GLIS3: variants seen among roughly 807,000 people sequenced by gnomAD.
The protein encoded by GLIS3 is GLIS family zinc finger 3.
Under a neutral mutation model 78.6 loss-of-function variants are expected in GLIS3, and 53 were observed. That is an observed-to-expected ratio of 0.67 (90% confidence interval 0.54 to 0.85). The LOEUF (loss-of-function observed/expected upper bound fraction) is 0.85, where lower values mean the gene tolerates loss of function less well. Ranked by LOEUF, GLIS3 falls within the 40% of genes least tolerant of loss-of-function variation. The pLI, the probability that GLIS3 is intolerant of heterozygous loss-of-function variation, is 0.00. For missense variants in GLIS3, 1,703 were observed against 1,231.1 expected (o/e 1.38, Z -5.74); for synonymous variants, 684 against 509.9 (o/e 1.34, Z -4.60).
chr9:3,845,923 A>C (rs960222339), intron 9 of GLIS3, among the ~76,000 whole-genome samples: 2 of 152,232 alleles, frequency 1.3e-5, no homozygotes, highest in African/African-American at 4.8e-5. Context: ...CACTGTTTCA[A>C]GATTTAAAAC....
At chr9:4,100,410 T>A (rs1352634656) in intron 4 of GLIS3, among the ~76,000 whole-genome samples, 1 of 152,084 alleles carries the variant, frequency 6.6e-6, no homozygotes, top group Admixed American at 6.6e-5. Context: ...CAACATAGGA[T>A]AAAAGACACC....
chr9:4,143,576 T>TA (rs1430610033), intron 2 of GLIS3, among the ~76,000 whole-genome samples: 2 of 144,444 alleles, frequency 1.4e-5, no homozygotes, highest in African/African-American at 5.1e-5. Context: ...AAAAAAAAAA[T>TA]AAAAACAAAA....
At chr9:4,230,743 A>C (rs992025453) in intron 2 of GLIS3, among the ~76,000 whole-genome samples, 3 of 152,246 alleles carry the variant, frequency 2.0e-5, no homozygotes, top group Non-Finnish European at 4.4e-5. Flanking sequence ...GGAGAATAAA[A>C]GAAATAGCAT....
intron 8 of GLIS3, among the ~76,000 whole-genome samples, chr9:3,859,654 G>C (rs1474717992): frequency 6.6e-6 from 1 of 152,072 alleles, no homozygotes; most frequent in African/African-American, 2.4e-5. Context: ...GACACCTTCT[G>C]ACATCTTTTC....
At chr9:4,298,323 A>T (rs949758449) in intron 1 of GLIS3, 6 of 455,386 alleles carry the variant, frequency 1.3e-5, no homozygotes, top group Non-Finnish European at 2.2e-5. Context: ...CACCTCCAGC[A>T]AGTCGGAGGG....
intron 4 of GLIS3, among the ~76,000 whole-genome samples, chr9:4,021,676 C>T (rs1315185063): frequency 6.6e-6 from 1 of 152,138 alleles, no homozygotes; most frequent in Non-Finnish European, 1.5e-5. Context: ...TTACTGCCAC[C>T]GTTCCTCCTG....
chr9:4,174,753 C>T (rs1687063395), intron 2 of GLIS3, among the ~76,000 whole-genome samples: 1 of 152,202 alleles, frequency 6.6e-6, no homozygotes, highest in Non-Finnish European at 1.5e-5. Context: ...GTGCCAATCT[C>T]ATATTCAGGT....
At chr9:4,151,336 T>A (rs1834661480) in intron 2 of GLIS3, among the ~76,000 whole-genome samples, 2 of 152,186 alleles carry the variant, frequency 1.3e-5, no homozygotes, top group South Asian at 4.1e-4. Context: ...TTTGCCTCTA[T>A]CTCCTCAAAC....
At chr9:3,999,720 T>C (rs1434751224) in intron 4 of GLIS3, among the ~76,000 whole-genome samples, 1 of 152,162 alleles carries the variant, frequency 6.6e-6, no homozygotes, top group East Asian at 1.9e-4. Context: ...TAATAAATTC[T>C]AACCAAAATC....
intron 7 of GLIS3, among the ~76,000 whole-genome samples, chr9:3,891,586 C>T (rs1822452857): frequency 6.6e-6 from 1 of 152,088 alleles, no homozygotes; most frequent in African/African-American, 2.4e-5. Flanking sequence ...CCTGAAGTCT[C>T]AGCTACTCAG....
chr9:4,136,440 A>G (rs1362947319), intron 2 of GLIS3, among the ~76,000 whole-genome samples: 1 of 152,030 alleles, frequency 6.6e-6, no homozygotes, highest in Non-Finnish European at 1.5e-5. Context: ...AAGCTTGGGA[A>G]CCCCTAATAC....
chr9:3,900,513 T>A (rs1170545748), intron 6 of GLIS3, among the ~76,000 whole-genome samples: 1 of 151,234 alleles, frequency 6.6e-6, no homozygotes, highest in Non-Finnish European at 1.5e-5. Flanking sequence ...CATATATATA[T>A]AAAACAAATA....
At chr9:4,126,976 C>T (rs1478762518) in intron 2 of GLIS3, among the ~76,000 whole-genome samples, 1 of 152,116 alleles carries the variant, frequency 6.6e-6, no homozygotes, top group Non-Finnish European at 1.5e-5. Context: ...CTGTAGGGGT[C>T]ATAATTTCCT....
At chr9:3,869,806 C>T (rs916749406) in intron 8 of GLIS3, among the ~76,000 whole-genome samples, 1 of 152,122 alleles carries the variant, frequency 6.6e-6, no homozygotes, top group Non-Finnish European at 1.5e-5. Context: ...TCACCAAAAG[C>T]TAACAATTCA....
chr9:4,097,541 T>C (rs2130784580), intron 4 of GLIS3, among the ~76,000 whole-genome samples: 1 of 152,278 alleles, frequency 6.6e-6, no homozygotes, highest in Non-Finnish European at 1.5e-5. Flanking sequence ...TTCCTCCCTC[T>C]TTTTTGATTA....
intron 4 of GLIS3, among the ~76,000 whole-genome samples, chr9:4,092,401 C>T (rs1038419099): frequency 8.5e-5 from 13 of 152,112 alleles, no homozygotes; most frequent in Non-Finnish European, 1.9e-4. Flanking sequence ...ATCCGCCTGC[C>T]TCAGCCTCCC....
At chr9:4,287,682 T>C (rs1299105109) in intron 1 of GLIS3, among the ~76,000 whole-genome samples, 2 of 152,112 alleles carry the variant, frequency 1.3e-5, no homozygotes, top group African/African-American at 4.8e-5. Flanking sequence ...TATGATCCAC[T>C]CAAAGTGTTG....
At chr9:4,025,095 AC>A (rs1823217965) in intron 4 of GLIS3, among the ~76,000 whole-genome samples, 1 of 152,040 alleles carries the variant, frequency 6.6e-6, no homozygotes, top group African/African-American at 2.4e-5. Context: ...TACTAAAAAT[AC>A]AAAAAATTAG....
chr9:4,216,556 T>C (rs1820867766), intron 2 of GLIS3, among the ~76,000 whole-genome samples: 1 of 151,192 alleles, frequency 6.6e-6, no homozygotes, highest in East Asian at 1.9e-4. Flanking sequence ...GAAAATTCAT[T>C]GGACTTAGAG....
Sources: allele counts gnomAD v4.1 joint callset (sites outside exome capture counted in the v4.1 genomes callset), GRCh38; gene constraint gnomAD v4.1.1; transcripts MANE v1.5; gene names NCBI Gene and HGNC (gene_info 2026-07-23, HGNC 2026-07-21).